Variants in NELL1 observed in about 807,000 individuals in gnomAD.
NELL1 encodes the protein protein kinase C-binding protein NELL1.
NELL1 carries 76 observed loss-of-function variants against 107.4 expected under a neutral mutation model. The ratio of observed to expected loss-of-function variants is 0.71; its 90% CI spans 0.59 to 0.86. The LOEUF is 0.86. Among genes scored for constraint, NELL1 ranks in the 40% least tolerant of loss-of-function variants. The pLI is 0.00. For missense variants in NELL1, 1,024 were observed against 1,005.5 expected (o/e 1.02, Z -0.25); for synonymous variants, 353 against 341.2 (o/e 1.03, Z -0.38).
rs564022945 is a variant in NELL1, at chr11:20,879,930, C to T, written c.507-5514C>T. On this transcript the variant is annotated intron_variant, in intron 4 of 19. Coordinates refer to ENST00000357134, the MANE Select transcript of NELL1 (RefSeq NM_006157.5). ...AGGATTCATAGAAAGTATACTTTAT[C>T]GAAAAATTCTGTTTTAATGCAAAGT... is the stretch of plus-strand genomic sequence containing the variant. Among the ~76,000 whole-genome samples the T allele has an allele frequency of 3.9e-5, 6 of 152,130 alleles. No individual in the cohort carries two copies. The South Asian group carries it at 8.3e-4, about 21-fold the overall frequency.
At chr11:20,696,436 A>G (rs1048152842) in intron 2 of NELL1, among the ~76,000 whole-genome samples, 1 of 152,072 alleles carries the variant, frequency 6.6e-6, no homozygotes, top group African/African-American at 2.4e-5. Flanking sequence ...TAACTTTTTA[A>G]GGTAGGCCTT....
chr11:21,027,964 G>A (rs1273244754), intron 12 of NELL1, among the ~76,000 whole-genome samples: 1 of 152,086 alleles, frequency 6.6e-6, no homozygotes. Flanking sequence ...TTTTTCTGGA[G>A]TCTAACTCAT....
intron 13 of NELL1, among the ~76,000 whole-genome samples, chr11:21,145,933 G>T (rs555070515): frequency 1.3e-5 from 2 of 152,158 alleles, no homozygotes; most frequent in Non-Finnish European, 2.9e-5. Context: ...TATCTTCAGG[G>T]TTTAGCCCAG....
chr11:21,076,966 C>A (rs1321836802), intron 12 of NELL1, among the ~76,000 whole-genome samples: 1 of 152,102 alleles, frequency 6.6e-6, no homozygotes, highest in Non-Finnish European at 1.5e-5. Context: ...GCCTGCAGAA[C>A]CACGAGCCAA....
intron 14 of NELL1, among the ~76,000 whole-genome samples, chr11:21,365,936 T>C (rs1267383241): frequency 6.6e-6 from 1 of 152,114 alleles, no homozygotes; most frequent in Non-Finnish European, 1.5e-5. Flanking sequence ...TATTGACATT[T>C]TGGGCCAGAT....
At chr11:21,392,855 T>G (rs1285626629) in intron 15 of NELL1, among the ~76,000 whole-genome samples, 1 of 151,750 alleles carries the variant, frequency 6.6e-6, no homozygotes, top group Non-Finnish European at 1.5e-5. Context: ...CCTTTGGAAG[T>G]AGAGTATTTA....
At chr11:20,897,760 T>C (rs990324743) in intron 5 of NELL1, among the ~76,000 whole-genome samples, 6 of 152,200 alleles carry the variant, frequency 3.9e-5, no homozygotes, top group African/African-American at 1.2e-4. Flanking sequence ...GGGCAAAGTA[T>C]ATGGATAGAC....
chr11:20,808,095 C>T (rs1357163022), intron 3 of NELL1, among the ~76,000 whole-genome samples: 3 of 152,168 alleles, frequency 2.0e-5, no homozygotes, highest in Non-Finnish European at 4.4e-5. Flanking sequence ...TTTACTCTTT[C>T]CTCTGCTTTT....
At chr11:21,327,586 T>C (rs1476289222) in intron 14 of NELL1, among the ~76,000 whole-genome samples, 2 of 152,150 alleles carry the variant, frequency 1.3e-5, no homozygotes, top group Non-Finnish European at 2.9e-5. Context: ...AAATTTGTAC[T>C]GTGTAGTGGG....
At chr11:20,699,214 C>G (rs966059414) in intron 2 of NELL1, among the ~76,000 whole-genome samples, 2 of 151,154 alleles carry the variant, frequency 1.3e-5, no homozygotes, top group African/African-American at 2.5e-5. Context: ...AAGACTCTGT[C>G]TCAAAAACAA....
chr11:21,380,067 A>G (rs1338515308), intron 15 of NELL1, among the ~76,000 whole-genome samples: 3 of 152,094 alleles, frequency 2.0e-5, no homozygotes, highest in Non-Finnish European at 4.4e-5. Flanking sequence ...GCAAAAGTAC[A>G]TCTTTACATC....
intron 15 of NELL1, among the ~76,000 whole-genome samples, chr11:21,486,174 C>T (rs1854626508): frequency 6.6e-6 from 1 of 152,120 alleles, no homozygotes; most frequent in South Asian, 2.1e-4. Context: ...CAAGAATCAA[C>T]CTGCCTGGAC....
At chr11:20,763,587 C>T (rs577076846) in intron 2 of NELL1, among the ~76,000 whole-genome samples, 5 of 152,182 alleles carry the variant, frequency 3.3e-5, no homozygotes, top group African/African-American at 1.2e-4. Context: ...CACTGGACCA[C>T]GTTCTGTGAC....
At chr11:21,208,271 A>G (rs940092657) in intron 13 of NELL1, among the ~76,000 whole-genome samples, 6 of 152,142 alleles carry the variant, frequency 3.9e-5, no homozygotes, top group African/African-American at 1.2e-4. Flanking sequence ...TACGTATTAT[A>G]AAACATTCAA....
chr11:21,170,020 C>T, intron 13 of NELL1: 2 of 1,209,730 alleles, frequency 1.7e-6, no homozygotes, highest in Non-Finnish European at 1.2e-6. Flanking sequence ...CAGATGTGGA[C>T]AGGGTTGTCA....
At chr11:21,428,258 C>G (rs1044050860) in intron 15 of NELL1, among the ~76,000 whole-genome samples, 1 of 152,078 alleles carries the variant, frequency 6.6e-6, no homozygotes, top group South Asian at 2.1e-4. Context: ...CTGATGGCCT[C>G]CATTTTCTTA....
chr11:21,198,764 CAA>C (rs1857205977), intron 13 of NELL1, among the ~76,000 whole-genome samples: 1 of 152,160 alleles, frequency 6.6e-6, no homozygotes, highest in African/African-American at 2.4e-5. Context: ...CATTTATTTT[CAA>C]AGTCTATCCT....
chr11:20,986,745 C>T (rs1268370951), intron 12 of NELL1, among the ~76,000 whole-genome samples: 1 of 151,966 alleles, frequency 6.6e-6, no homozygotes, highest in Non-Finnish European at 1.5e-5. Flanking sequence ...CTTCTTAAGC[C>T]CACATGAATA....
At chr11:21,185,016 G>T (rs1856904353) in intron 13 of NELL1, among the ~76,000 whole-genome samples, 1 of 151,760 alleles carries the variant, frequency 6.6e-6, no homozygotes, top group Non-Finnish European at 1.5e-5. Context: ...GCCCTTCCTT[G>T]AGCTTAACCA....
Sources: allele counts gnomAD v4.1 joint callset (sites outside exome capture counted in the v4.1 genomes callset), GRCh38; gene constraint gnomAD v4.1.1; transcripts MANE v1.5; gene names NCBI Gene and HGNC (gene_info 2026-07-23, HGNC 2026-07-21).